Variants in BZW1 observed in about 807,000 individuals in gnomAD.
The protein encoded by BZW1 is eIF5-mimic protein 2.
In BZW1, 3 loss-of-function variants were observed where a neutral mutation model predicts 54.1. The ratio of observed to expected loss-of-function variants is 0.06; its 90% CI spans 0.03 to 0.14. The LOEUF is 0.14. BZW1 is among the 10% of genes least tolerant of loss of function. BZW1 has a pLI of 1.00. For missense variants in BZW1, 206 were observed against 491.7 expected, an observed-to-expected ratio of 0.42 and a Z score of 5.50; for synonymous variants, 152 against 162.7, an observed-to-expected ratio of 0.93 and a Z score of 0.50.
chr2:200,813,508 T>C (rs1376179161), intron 2 of BZW1: 1 of 373,010 alleles, frequency 2.7e-6, no homozygotes, highest in Admixed American at 4.3e-5. Flanking sequence ...GGTTAGTGAA[T>C]CTTCTTTTCG....
At chr2:200,815,563 T>C (rs2038257477) in intron 3 of BZW1, 46 bp downstream of exon 3, 11 of 1,607,952 alleles carry the variant, frequency 6.8e-6, no homozygotes, top group African/African-American at 4.0e-5. Context: ...AAAGGTATAA[T>C]ATATGGAGAT....
Position 200,812,960 on chromosome 2 carries a change from A to T in BZW1, c.-10-248A>T. On this transcript the variant is annotated intron_variant, in intron 1 of 11. Coordinates refer to ENST00000409600, the MANE Select transcript of BZW1 (RefSeq NM_001207067.2). ...TGACGGGTGATCACTGTAGCACTAC[A>T]ATGTCGCTTAAAAGTAGTTCACAGC... is the stretch of plus-strand genomic sequence containing the variant. The T allele has an allele frequency of 4.4e-6, 3 of 680,396 alleles. No homozygotes were observed. The Admixed American group carries it at 6.1e-5, about 14-fold the overall frequency. The allele number at this position is 680,396 out of a possible 1,614,324, so 42.1% of individuals were successfully genotyped here.
At chr2:200,815,603 G>A in intron 3 of BZW1, 64 bp from the exon 4 acceptor site, 1 of 1,591,356 alleles carries the variant, frequency 6.3e-7, no homozygotes, top group South Asian at 1.1e-5. Flanking sequence ...GAACTATTTG[G>A]CAAACTTGTT....
intron 3 of BZW1, 43 bp downstream of exon 3, chr2:200,815,560 T>TA (rs1286399940): frequency 1.2e-6 from 2 of 1,609,148 alleles, no homozygotes; most frequent in Admixed American, 3.4e-5. Flanking sequence ...TAGAAAGGTA[T>TA]AATATATGGA....
intron 1 of BZW1, chr2:200,812,449 G>T: frequency 7.6e-7 from 1 of 1,319,232 alleles, no homozygotes; most frequent in South Asian, 2.1e-5. Flanking sequence ...GCGCCTCAGT[G>T]ACTGTGGTCC....
chr2:200,819,137 A>T, intron 9 of BZW1: 1 of 466,880 alleles, frequency 2.1e-6, no homozygotes, highest in South Asian at 2.9e-5. Context: ...CACGCCTGTA[A>T]ACCCAGCACT....
intron 2 of BZW1, among the ~76,000 whole-genome samples, chr2:200,814,225 T>G (rs1215813456): frequency 6.6e-6 from 1 of 152,214 alleles, no homozygotes; most frequent in Non-Finnish European, 1.5e-5. Flanking sequence ...GATGTTACCT[T>G]GATACAAATA....
intron 9 of BZW1, 100 bp from the exon 10 acceptor site, chr2:200,819,882 A>C (rs2105701873): frequency 9.0e-7 from 1 of 1,108,648 alleles, no homozygotes; most frequent in East Asian, 3.0e-5. Context: ...CAGTGATTAT[A>C]AAAGATGAGT....
intron 5 of BZW1, 117 bp from the exon 6 acceptor site, chr2:200,816,989 G>T: frequency 6.5e-6 from 8 of 1,221,660 alleles, no homozygotes; most frequent in Non-Finnish European, 9.0e-6. Flanking sequence ...ATGTAAACTT[G>T]GATGGTTAGA....
At chr2:200,817,576 A>G (rs1270349512) in intron 6 of BZW1, among the ~76,000 whole-genome samples, 2 of 152,304 alleles carry the variant, frequency 1.3e-5, no homozygotes, top group South Asian at 2.1e-4. Flanking sequence ...TCAAGCTGGA[A>G]GGGAAAATCA....
chr2:200,815,474 T>C lies in BZW1; in HGVS notation c.198T>C (p.Tyr66=), dbSNP rs537389898. The change falls in exon 3 of 12, where the codon TAT becomes TAC. Residue 66 remains tyrosine (Y), a synonymous_variant. Coordinates refer to ENST00000409600, the MANE Select transcript of BZW1 (RefSeq NM_001207067.2). ...ASGAKLDYRR[Y]AETLFDILVA... The stretch of plus-strand genomic sequence containing the variant: ...GAGCAAAACTTGATTACCGTCGATA[T>C]GCAGAAACACTCTTTGACATTCTGG... 24 of 1,614,048 alleles carry C rather than the reference T, an allele frequency of 1.5e-5. No individual in the cohort carries two copies. In the East Asian group the frequency reaches 3.3e-4, roughly 22 times the overall value.
chr2:200,812,834 T>C lies in BZW1; in HGVS notation c.-10-374T>C, dbSNP rs189451580. ...ATACACATTTTGGATGCCTGCTGACTATGGTGATAATCTCTCTTTGCGTTC... is the reference window on the plus strand; with the variant it reads ...ATACACATTTTGGATGCCTGCTGACCATGGTGATAATCTCTCTTTGCGTTC... On this transcript the variant is annotated intron_variant, in intron 1 of 11. Coordinates refer to ENST00000409600, the MANE Select transcript of BZW1 (RefSeq NM_001207067.2). 29 of 667,536 alleles carry C rather than the reference T, an allele frequency of 4.3e-5. No homozygotes were observed. In the Admixed American group the frequency reaches 5.8e-4, roughly 13 times the overall value. The allele number at this position is 667,536 out of a possible 1,614,324, so 41.4% of individuals were successfully genotyped here.
At chr2:200,813,182 T>C (rs1156393987) in intron 1 of BZW1, 26 bp from the exon 2 acceptor site, 1 of 1,592,452 alleles carries the variant, frequency 6.3e-7, no homozygotes, top group Non-Finnish European at 8.6e-7. Context: ...GGCACTGATA[T>C]TAAGGCTTTA....
At chr2:200,814,610 A>G (rs963641468) in intron 2 of BZW1, among the ~76,000 whole-genome samples, 1 of 152,210 alleles carries the variant, frequency 6.6e-6, no homozygotes, top group African/African-American at 2.4e-5. Flanking sequence ...CAACAACTTT[A>G]TGGGATAGGT....
At chr2:200,821,046 T>A (rs1391894958) in intron 10 of BZW1, 137 bp from the exon 11 acceptor site, 1 of 1,053,778 alleles carries the variant, frequency 9.5e-7, no homozygotes, top group Non-Finnish European at 1.4e-6. Context: ...ACATGTATTA[T>A]TATCTTCCAT....
At chr2:200,820,260 G>A in intron 10 of BZW1, 140 bp downstream of exon 10, 5 of 759,470 alleles carry the variant, frequency 6.6e-6, no homozygotes, top group Non-Finnish European at 8.0e-6. Flanking sequence ...GATTAAATTG[G>A]GTGCTTTTTA....
chr2:200,821,111 ACATTAGGTGGTGGTTCTAACG>A, intron 10 of BZW1, 51 bp from the exon 11 acceptor site: 1 of 1,540,000 alleles, frequency 6.5e-7, no homozygotes, highest in Non-Finnish European at 8.8e-7. Context: ...AGGCATTTGC[ACATTAGGTGGTGGTTCTAACG>A]CTGAGTAGAG....
Position 200,824,786 on chromosome 2 carries a change from C to T in BZW1, c.*2608C>T, listed in dbSNP as rs2038648539. The T allele has an allele frequency of 6.6e-6, 1 of 151,550 alleles. No homozygotes were observed. 9.4% of individuals were successfully genotyped at this position (151,550 alleles called of 1,614,324 possible). ...TCCCGGGTTCACGCCATTCTCCTGC[C>T]TCAGCCTCCCGAGTAGCTGGGACTA... On this transcript the variant is annotated 3_prime_UTR_variant, in exon 12 of 12. Transcript: ENST00000409600.
intron 1 of BZW1, 146 bp from the exon 2 acceptor site, chr2:200,813,062 T>G (rs993235057): frequency 4.3e-6 from 3 of 704,696 alleles, no homozygotes; most frequent in Non-Finnish European, 7.7e-6. Context: ...TAATTCTTTG[T>G]GCCTGTATCG....
Sources: gnomAD v4.1 joint callset for allele counts (sites outside exome capture counted in the v4.1 genomes callset) on GRCh38, gnomAD v4.1.1 for gene constraint, MANE v1.5 for transcripts, NCBI Gene and HGNC (gene_info 2026-07-23, HGNC 2026-07-21) for gene names.